EPB41L4B: variants seen among roughly 807,000 people sequenced by gnomAD.
EPB41L4B encodes the protein erythrocyte membrane protein band 4.1 like 4B.
In EPB41L4B, 30 loss-of-function variants were observed where a neutral mutation model predicts 112.5. The ratio of observed to expected loss-of-function variants is 0.27; its 90% CI spans 0.20 to 0.36. EPB41L4B has a LOEUF of 0.36. Among genes scored for constraint, EPB41L4B ranks in the 10% least tolerant of loss-of-function variants. The pLI, the probability that EPB41L4B is intolerant of heterozygous loss-of-function variation, is 1.00. For synonymous variants in EPB41L4B, 408 were observed against 439.7 expected, an observed-to-expected ratio of 0.93 and a Z score of 0.90; for missense variants, 1,024 against 1,133.3, an observed-to-expected ratio of 0.90 and a Z score of 1.38.
intron 20 of EPB41L4B, among the ~76,000 whole-genome samples, 193 bp from the exon 21 acceptor site, chr9:109,194,590 TTC>T (rs1350604207): frequency 1.3e-5 from 2 of 151,796 alleles, no homozygotes; most frequent in African/African-American, 4.9e-5. Context: ...GGGGTGAATT[TTC>T]TGTCATTTGC....
At chr9:109,303,868 A>C (rs895911314) in intron 1 of EPB41L4B, among the ~76,000 whole-genome samples, 3 of 152,164 alleles carry the variant, frequency 2.0e-5, no homozygotes, top group Non-Finnish European at 4.4e-5. Context: ...AAAATAAAAT[A>C]AAATCAGTGC....
chr9:109,273,089 T>C (rs1835686838), intron 2 of EPB41L4B, among the ~76,000 whole-genome samples: 1 of 152,142 alleles, frequency 6.6e-6, no homozygotes, highest in Non-Finnish European at 1.5e-5. Flanking sequence ...ACCAGCTACC[T>C]GCTGGTGTGA....
chr9:109,198,661 C>T (rs536818791), intron 20 of EPB41L4B, among the ~76,000 whole-genome samples: 2 of 152,260 alleles, frequency 1.3e-5, no homozygotes, highest in South Asian at 2.1e-4. Flanking sequence ...AATCCTAGCA[C>T]TTTGGGAGGC....
chr9:109,287,470 A>T (rs1443130774), intron 1 of EPB41L4B, among the ~76,000 whole-genome samples: 4 of 152,206 alleles, frequency 2.6e-5, no homozygotes, highest in African/African-American at 9.6e-5. Context: ...CAGGTTTGAA[A>T]GGAGGAAATA....
chr9:109,267,425 G>C, intron 4 of EPB41L4B, 48 bp downstream of exon 4: 1 of 1,245,722 alleles, frequency 8.0e-7, no homozygotes, highest in Admixed American at 1.8e-5. Context: ...TAAATGACAT[G>C]TAAGGCAAGC....
At chr9:109,288,718 GTC>G (rs1836400493) in intron 1 of EPB41L4B, among the ~76,000 whole-genome samples, 1 of 18,192 alleles carries the variant, frequency 5.5e-5, no homozygotes, top group Non-Finnish European at 8.2e-5. Flanking sequence ...GCGAGACTCC[GTC>G]TCAAAAAAAA....
intron 25 of EPB41L4B, among the ~76,000 whole-genome samples, chr9:109,175,805 C>G (rs1308342372): frequency 1.3e-5 from 2 of 152,218 alleles, no homozygotes; most frequent in African/African-American, 2.4e-5. Context: ...CCTCTATTGT[C>G]ATTCACTCTG....
At chr9:109,232,331 T>G (rs937679337) in intron 15 of EPB41L4B, among the ~76,000 whole-genome samples, 3 of 152,092 alleles carry the variant, frequency 2.0e-5, no homozygotes, top group African/African-American at 7.2e-5. Context: ...TTGGTGCGTC[T>G]CATTTCTGTG....
chr9:109,232,075 T>C (rs1833969495), intron 15 of EPB41L4B, among the ~76,000 whole-genome samples: 1 of 152,016 alleles, frequency 6.6e-6, no homozygotes, highest in African/African-American at 2.4e-5. Flanking sequence ...CACTGCAACC[T>C]CTGCCTCCCA....
chr9:109,275,511 A>G (rs1167421789), intron 2 of EPB41L4B, among the ~76,000 whole-genome samples: 3 of 152,170 alleles, frequency 2.0e-5, no homozygotes, highest in African/African-American at 4.8e-5. Flanking sequence ...GGTTTCTCCC[A>G]CAGGCAAGGC....
chr9:109,212,041 T>C (rs181212699), intron 17 of EPB41L4B, among the ~76,000 whole-genome samples: 38 of 152,054 alleles, frequency 2.5e-4, no homozygotes, highest in African/African-American at 8.0e-4. Flanking sequence ...GTGGAGGAGA[T>C]AGGAAGGGAG....
At chr9:109,282,251 C>T (rs1016391806) in intron 1 of EPB41L4B, among the ~76,000 whole-genome samples, 11 of 151,714 alleles carry the variant, frequency 7.3e-5, no homozygotes, top group Admixed American at 3.9e-4. Context: ...GTTTGGGGGA[C>T]GACAGCTAAG....
chr9:109,221,889 A>C (rs1833585401), intron 15 of EPB41L4B, among the ~76,000 whole-genome samples: 1 of 152,204 alleles, frequency 6.6e-6, no homozygotes, highest in Non-Finnish European at 1.5e-5. Context: ...CTGTCATGCC[A>C]ACTCCAATTG....
chr9:109,267,424 T>C (rs1835447742), intron 4 of EPB41L4B, 49 bp downstream of exon 4: 4 of 1,226,556 alleles, frequency 3.3e-6, no homozygotes, highest in Non-Finnish European at 3.6e-6. Context: ...ATAAATGACA[T>C]GTAAGGCAAG....
At chr9:109,278,821 T>C (rs1835931934) in intron 2 of EPB41L4B, among the ~76,000 whole-genome samples, 2 of 152,242 alleles carry the variant, frequency 1.3e-5, no homozygotes. Context: ...GATTGTCGAA[T>C]AAATTATCTT....
intron 1 of EPB41L4B, among the ~76,000 whole-genome samples, chr9:109,282,133 C>T (rs1249902556): frequency 6.6e-6 from 1 of 152,158 alleles, no homozygotes; most frequent in Non-Finnish European, 1.5e-5. Flanking sequence ...TGAAAAAAGC[C>T]AGACACAAGG....
At chr9:109,298,491 T>A (rs1836825659) in intron 1 of EPB41L4B, among the ~76,000 whole-genome samples, 1 of 152,034 alleles carries the variant, frequency 6.6e-6, no homozygotes, top group Admixed American at 6.5e-5. Context: ...TTTTTGTATT[T>A]TTAGTAGAGA....
chr9:109,289,784 G>C (rs1244151411), intron 1 of EPB41L4B, among the ~76,000 whole-genome samples: 1 of 152,302 alleles, frequency 6.6e-6, no homozygotes, highest in South Asian at 2.1e-4. Flanking sequence ...CAAGTCCTAG[G>C]TTAGAAAACA....
rs117812182 is a variant in EPB41L4B at position 109,245,004 on chromosome 9, C to T, written c.1345-1322G>A. Reference sequence around the variant, plus strand: ...CAGCCTTTCCTTTCTCCTTCAAAGACGCCTGTCAGCAAGCAGACTCTGCAG... The same window carrying T: ...CAGCCTTTCCTTTCTCCTTCAAAGATGCCTGTCAGCAAGCAGACTCTGCAG... On this transcript the variant is annotated intron_variant, in intron 14 of 25. Coordinates refer to ENST00000374566, the MANE Select transcript of EPB41L4B (RefSeq NM_019114.5). Among the ~76,000 whole-genome samples the T allele has an allele frequency of 6.9e-3, 1,057 of 152,302 alleles. 9 individuals are homozygous for T. Among genetic ancestry groups the T allele is most frequent in the South Asian group, 0.03 (144 of 4,820 alleles).
Sources: gnomAD v4.1 joint callset for allele counts (sites outside exome capture counted in the v4.1 genomes callset) on GRCh38, gnomAD v4.1.1 for gene constraint, MANE v1.5 for transcripts, NCBI Gene and HGNC (gene_info 2026-07-23, HGNC 2026-07-21) for gene names.